Variants in UNC13C observed in about 807,000 individuals in gnomAD.
UNC13C encodes the protein protein unc-13 homolog C.
In UNC13C, 174 loss-of-function variants were observed where a neutral mutation model predicts 245.4. That is an observed-to-expected ratio of 0.71 (90% CI 0.63 to 0.80). UNC13C has a LOEUF of 0.80. Ranked by LOEUF, UNC13C falls within the 30% of genes least tolerant of loss-of-function variation. The pLI is 0.00. For synonymous variants in UNC13C, 992 were observed against 895.1 expected (o/e 1.11, Z -1.93); for missense variants, 2,829 against 2,602.9 (o/e 1.09, Z -1.89).
the UNC13C span, among the ~76,000 whole-genome samples, chr15:53,967,831 G>C: frequency 6.6e-6 from 1 of 152,178 alleles, no homozygotes; most frequent in African/African-American, 2.4e-5. Context: ...CATATAGATA[G>C]TAAAATATGA....
At chr15:54,492,603 G>T (rs1317850838) in intron 19 of UNC13C, among the ~76,000 whole-genome samples, 1 of 152,174 alleles carries the variant, frequency 6.6e-6, no homozygotes, top group Non-Finnish European at 1.5e-5. Flanking sequence ...AGTGATTTAT[G>T]AGTATCTTCA....
intron 17 of UNC13C, among the ~76,000 whole-genome samples, chr15:54,347,890 T>C (rs1039589744): frequency 2.0e-5 from 3 of 152,176 alleles, no homozygotes; most frequent in African/African-American, 7.2e-5. Context: ...ATGAACATAG[T>C]TTCATCTTTG....
intron 17 of UNC13C, among the ~76,000 whole-genome samples, chr15:54,384,340 C>T (rs2039790731): frequency 6.6e-6 from 1 of 151,762 alleles, no homozygotes; most frequent in South Asian, 2.1e-4. Flanking sequence ...AATAGAGGAC[C>T]CAGAGATAAA....
chr15:54,396,095 G>T (rs2040064188), intron 18 of UNC13C, among the ~76,000 whole-genome samples: 1 of 151,354 alleles, frequency 6.6e-6, no homozygotes, highest in Admixed American at 6.6e-5. Flanking sequence ...CTTTCTAACA[G>T]GTTTATTGAG....
At chr15:54,082,130 T>A (rs560384116) in intron 2 of UNC13C, among the ~76,000 whole-genome samples, 129 of 152,332 alleles carry the variant, frequency 8.5e-4, no homozygotes, top group African/African-American at 2.6e-3. Context: ...TCTTCTGGTT[T>A]AGAAGACCGC....
chr15:54,122,420 CT>C (rs2030731773), intron 2 of UNC13C, among the ~76,000 whole-genome samples: 2 of 151,742 alleles, frequency 1.3e-5, no homozygotes, highest in African/African-American at 4.8e-5. Flanking sequence ...TTTTAGGTTT[CT>C]TTTTTCAATC....
intron 2 of UNC13C, among the ~76,000 whole-genome samples, chr15:54,058,189 G>A (rs1168898486): frequency 6.6e-6 from 1 of 151,980 alleles, no homozygotes; most frequent in Non-Finnish European, 1.5e-5. Context: ...TTTTTGAAAA[G>A]ATCAACAAAA....
chr15:54,512,668 T>C (rs989406648), intron 24 of UNC13C, among the ~76,000 whole-genome samples: 11 of 152,200 alleles, frequency 7.2e-5, no homozygotes, highest in African/African-American at 2.4e-4. Flanking sequence ...AGGGCAGCTA[T>C]GTCAAGAATA....
chr15:54,502,530 A>G (rs1894270757), intron 22 of UNC13C, among the ~76,000 whole-genome samples: 1 of 152,166 alleles, frequency 6.6e-6, no homozygotes, highest in Non-Finnish European at 1.5e-5. Context: ...ATTTCCCAAT[A>G]TAGCGAAATC....
At chr15:54,191,679 G>T (rs576824425) in intron 4 of UNC13C, among the ~76,000 whole-genome samples, 1 of 152,262 alleles carries the variant, frequency 6.6e-6, no homozygotes, top group African/African-American at 2.4e-5. Context: ...CAGTGTAAAA[G>T]CGTTCCTATT....
Position 54,364,979 on chromosome 15 carries a change from C to T in UNC13C, c.4713+26490C>T, listed in dbSNP as rs187437127. On this transcript the variant is annotated intron_variant, in intron 17 of 32. Coordinates refer to ENST00000260323, the MANE Select transcript of UNC13C (RefSeq NM_001080534.3). The stretch of plus-strand genomic sequence containing the variant: ...GCTTACACTAGCGCTATGTCTATGG[C>T]AATAGCTCTGATTAGATTGCAAAGT... Among the ~76,000 whole-genome samples, 320 of 152,292 alleles carry T rather than the reference C, an allele frequency of 2.1e-3. 1 individual carries two copies. The highest frequency in any genetic ancestry group is 6.7e-3 in the African/African-American group (279 of 41,578).
At chr15:54,454,777 T>G (rs1249339879) in intron 19 of UNC13C, among the ~76,000 whole-genome samples, 1 of 149,140 alleles carries the variant, frequency 6.7e-6, no homozygotes, top group Non-Finnish European at 1.5e-5. Context: ...CTCCCAGTAC[T>G]CCATCTCTTT....
upstream of UNC13C, among the ~76,000 whole-genome samples, chr15:53,975,791 G>A (rs1322041829): frequency 6.6e-6 from 1 of 152,138 alleles, no homozygotes; most frequent in African/African-American, 2.4e-5. Flanking sequence ...TACCCTAGAG[G>A]TTTTATTCTT....
chr15:53,912,554 C>G, the UNC13C span: 2 of 152,054 alleles, frequency 1.3e-5, no homozygotes, highest in African/African-American at 4.8e-5. Flanking sequence ...TGCTATCCAC[C>G]TGTACACTCT....
rs886903953 is a variant in UNC13C, at chr15:54,568,011, A to G, written c.6106+64A>G. ...ATACTAAAATAAAATTTAACATCAGAATTATTATACATAGTCCCAATAATT... is the reference window on the plus strand; with the variant it reads ...ATACTAAAATAAAATTTAACATCAGGATTATTATACATAGTCCCAATAATT... On this transcript the variant is annotated intron_variant, in intron 30 of 32. Coordinates refer to ENST00000260323, the MANE Select transcript of UNC13C (RefSeq NM_001080534.3). The G allele has an allele frequency of 6.4e-6, 8 of 1,256,122 alleles. No individual in the cohort carries two copies. The African/African-American group carries it at 1.2e-4, about 19-fold the overall frequency. 77.8% of individuals were successfully genotyped at this position (1,256,122 alleles called of 1,614,324 possible).
At chr15:53,846,474 A>G in the UNC13C span, among the ~76,000 whole-genome samples, 1 of 152,210 alleles carries the variant, frequency 6.6e-6, no homozygotes, top group Non-Finnish European at 1.5e-5. Flanking sequence ...TGTGCAAGTT[A>G]CTTATTTTCC....
intron 22 of UNC13C, 88 bp downstream of exon 22, chr15:54,501,066 C>A: frequency 7.5e-7 from 1 of 1,332,926 alleles, no homozygotes; most frequent in Non-Finnish European, 1.0e-6. Flanking sequence ...TCTTCTCTGT[C>A]ACCCCATCCC....
At chr15:54,329,561 C>G (rs1178545672) in intron 14 of UNC13C, among the ~76,000 whole-genome samples, 1 of 151,976 alleles carries the variant, frequency 6.6e-6, no homozygotes, top group Non-Finnish European at 1.5e-5. Flanking sequence ...CGTTATTCCA[C>G]AAATCACACC....
chr15:54,353,100 A>G (rs1378631894), intron 17 of UNC13C, among the ~76,000 whole-genome samples: 1 of 152,172 alleles, frequency 6.6e-6, no homozygotes, highest in Admixed American at 6.5e-5. Context: ...AATAAATAAA[A>G]TTTGTTGACT....
Sources: allele counts gnomAD v4.1 joint callset (sites outside exome capture counted in the v4.1 genomes callset), GRCh38; gene constraint gnomAD v4.1.1; transcripts MANE v1.5; gene names NCBI Gene and HGNC (gene_info 2026-07-23, HGNC 2026-07-21).